Variants in CADPS2 observed in about 807,000 individuals in gnomAD.
The protein encoded by CADPS2 is calcium dependent secretion activator 2.
CADPS2 carries 93 observed loss-of-function variants against 172.5 expected under a neutral mutation model. The ratio of observed to expected loss-of-function variants is 0.54; its 90% CI spans 0.46 to 0.64. The LOEUF is 0.64. Ranked by LOEUF, CADPS2 falls within the 30% of genes least tolerant of loss-of-function variation. The pLI is 0.00. For synonymous variants in CADPS2, 546 were observed against 555.2 expected, an observed-to-expected ratio of 0.98 and a Z score of 0.23; for missense variants, 1,420 against 1,565.9, an observed-to-expected ratio of 0.91 and a Z score of 1.57.
At chr7:122,351,372 CAAAAAAAAAA>C (rs398048049) in intron 27 of CADPS2, among the ~76,000 whole-genome samples, 25 of 28,930 alleles carry the variant, frequency 8.6e-4, no homozygotes, top group East Asian at 5.3e-3. Context: ...GACTCCGTCT[CAAAAAAAAAA>C]AAAAAAAAAA....
At chr7:122,861,341 T>A (rs898002981) in intron 1 of CADPS2, among the ~76,000 whole-genome samples, 5 of 152,222 alleles carry the variant, frequency 3.3e-5, no homozygotes, top group African/African-American at 1.2e-4. Context: ...GATTTGCATT[T>A]CCCCGATAAT....
intron 27 of CADPS2, among the ~76,000 whole-genome samples, chr7:122,350,514 T>C (rs1585183063): frequency 6.6e-6 from 1 of 152,326 alleles, no homozygotes; most frequent in Non-Finnish European, 1.5e-5. Context: ...AAAAAGGTTT[T>C]TTCATATATT....
chr7:122,461,597 G>A (rs182240994), intron 14 of CADPS2, among the ~76,000 whole-genome samples: 1 of 151,650 alleles, frequency 6.6e-6, no homozygotes, highest in Admixed American at 6.6e-5. Flanking sequence ...TTTTGTTGTT[G>A]TTTTGTTTTG....
intron 3 of CADPS2, among the ~76,000 whole-genome samples, chr7:122,640,014 G>A (rs1423179859): frequency 6.6e-6 from 1 of 152,150 alleles, no homozygotes; most frequent in African/African-American, 2.4e-5. Context: ...AAGGCACATT[G>A]AAATTAACAA....
intron 2 of CADPS2, among the ~76,000 whole-genome samples, chr7:122,730,922 C>T (rs2091576772): frequency 6.6e-6 from 1 of 151,192 alleles, no homozygotes; most frequent in African/African-American, 2.4e-5. Flanking sequence ...AAAAAAAGGC[C>T]AGAATTAGAA....
chr7:122,822,014 C>G (rs934599235), intron 1 of CADPS2, among the ~76,000 whole-genome samples: 15 of 152,008 alleles, frequency 9.9e-5, no homozygotes, highest in African/African-American at 3.1e-4. Context: ...TAGTCATACT[C>G]CTATTCACCG....
intron 2 of CADPS2, among the ~76,000 whole-genome samples, chr7:122,670,737 G>T (rs1402810322): frequency 6.6e-6 from 1 of 151,736 alleles, no homozygotes; most frequent in Non-Finnish European, 1.5e-5. Context: ...CTGACCTCAA[G>T]TGATCCACCT....
chr7:122,568,371 A>G (rs1282815975), intron 7 of CADPS2, among the ~76,000 whole-genome samples: 1 of 152,232 alleles, frequency 6.6e-6, no homozygotes, highest in Non-Finnish European at 1.5e-5. Flanking sequence ...GTTAATGAGA[A>G]GGAAATCGTA....
intron 3 of CADPS2, among the ~76,000 whole-genome samples, chr7:122,635,690 T>A (rs990572633): frequency 3.9e-5 from 6 of 152,190 alleles, no homozygotes; most frequent in African/African-American, 1.4e-4. Context: ...TGTTGGGCAT[T>A]TGGATTGGTT....
At chr7:122,369,233 G>A (rs1307709603) in intron 25 of CADPS2, among the ~76,000 whole-genome samples, 1 of 145,718 alleles carries the variant, frequency 6.9e-6, no homozygotes, top group Non-Finnish European at 1.5e-5. Context: ...CCGGGTTCAC[G>A]CCATTCTCCT....
intron 17 of CADPS2, chr7:122,424,224 T>C (rs1285743456): frequency 1.8e-6 from 1 of 561,602 alleles, no homozygotes; most frequent in Non-Finnish European, 2.3e-6. Context: ...CCCTGCCATT[T>C]AAAGTAAGAG....
At chr7:122,659,420 T>G (rs1428551803) in intron 3 of CADPS2, among the ~76,000 whole-genome samples, 4 of 149,598 alleles carry the variant, frequency 2.7e-5, no homozygotes, top group African/African-American at 4.9e-5. Context: ...GACATGTCAA[T>G]AAAAACTTCC....
intron 7 of CADPS2, among the ~76,000 whole-genome samples, chr7:122,570,714 T>C (rs2132505554): frequency 6.6e-6 from 1 of 152,004 alleles, no homozygotes; most frequent in East Asian, 1.9e-4. Flanking sequence ...TAAAAAATGA[T>C]GAGTTCATGT....
chr7:122,392,009 A>G (rs2044429577), intron 22 of CADPS2, among the ~76,000 whole-genome samples: 1 of 152,258 alleles, frequency 6.6e-6, no homozygotes, highest in Non-Finnish European at 1.5e-5. Flanking sequence ...AATGGGGATA[A>G]TGATATGAGG....
chr7:122,381,261 A>G (rs944799547), intron 24 of CADPS2, among the ~76,000 whole-genome samples: 2 of 152,052 alleles, frequency 1.3e-5, no homozygotes, highest in Non-Finnish European at 2.9e-5. Flanking sequence ...CTTGCTCCAG[A>G]TCAGTGTATT....
Position 122,698,633 on chromosome 7 carries a change from T to C in CADPS2, c.454-35064A>G, listed in dbSNP as rs896385674. 6.2e-7 allele frequency: 1 copy of C among 1,614,076 alleles called. No homozygotes were observed. On this transcript the variant is annotated intron_variant, in intron 2 of 29. Transcript: ENST00000449022. ...AGTGCAAGCCAGGTCTCTGAGTACT[T>C]TGATCGGCTGAAAATGGTATTGGGA...
intron 27 of CADPS2, among the ~76,000 whole-genome samples, chr7:122,347,440 C>A (rs2037852743): frequency 6.6e-6 from 1 of 152,028 alleles, no homozygotes; most frequent in Non-Finnish European, 1.5e-5. Context: ...GTAAGAATTA[C>A]TGCAATCTCT....
At chr7:122,648,688 T>C (rs961301982) in intron 3 of CADPS2, among the ~76,000 whole-genome samples, 1 of 152,166 alleles carries the variant, frequency 6.6e-6, no homozygotes, top group Non-Finnish European at 1.5e-5. Context: ...CTTGTCCCTT[T>C]AGAGAGTAGG....
At chr7:122,519,473 T>G (rs2130984409) in intron 8 of CADPS2, among the ~76,000 whole-genome samples, 1 of 152,142 alleles carries the variant, frequency 6.6e-6, no homozygotes, top group African/African-American at 2.4e-5. Flanking sequence ...GAAACAAAGC[T>G]CAGATTTAAC....
Sources: allele counts gnomAD v4.1 joint callset (sites outside exome capture counted in the v4.1 genomes callset), GRCh38; gene constraint gnomAD v4.1.1; transcripts MANE v1.5; gene names NCBI Gene and HGNC (gene_info 2026-07-23, HGNC 2026-07-21).